Variants in MINDY4 observed in about 807,000 individuals in gnomAD.
The protein encoded by MINDY4 is MINDY lysine 48 deubiquitinase 4.
Under a neutral mutation model 87.0 loss-of-function variants are expected in MINDY4, and 68 were observed. The ratio of observed to expected loss-of-function variants is 0.78; its 90% CI spans 0.64 to 0.96. MINDY4 has a LOEUF of 0.96. Ranked by LOEUF, MINDY4 falls within the 40% of genes least tolerant of loss-of-function variation. The probability of loss-of-function intolerance (pLI) is 0.00; values close to 1 mark genes in which losing one functional copy is unlikely to be tolerated. For synonymous variants in MINDY4, 379 were observed against 363.2 expected, an observed-to-expected ratio of 1.04 and a Z score of -0.50; for missense variants, 919 against 928.2, an observed-to-expected ratio of 0.99 and a Z score of 0.13.
intron 13 of MINDY4, among the ~76,000 whole-genome samples, chr7:30,871,962 G>A (rs536430610): frequency 3.2e-4 from 48 of 152,176 alleles, no homozygotes; most frequent in Non-Finnish European, 6.2e-4. Flanking sequence ...TCACGCTTCA[G>A]TCGCTGTTCT....
In MINDY4 at chr7:30,791,316, T is replaced by C; in HGVS notation, c.815T>C (p.Leu272Pro). The C allele has an allele frequency of 1.2e-6, 2 of 1,614,144 alleles. No homozygotes were observed. Among genetic ancestry groups the C allele is most frequent in the Non-Finnish European group, 1.7e-6 (2 of 1,180,018 alleles). The stretch of plus-strand genomic sequence containing the variant: ...AACAGCTCCCCCTCCAGGACCTCCC[T>C]GGGTCAGCTTAGTGAACTGACCGTA... ...SSNSSPSRTS[L>P]GQLSELTVER... Residue 272 changes from leucine (L) to proline (P), a missense_variant, in exon 5 of 18, where the codon CTG becomes CCG. Leu to Pro is a moderately conservative substitution (Grantham distance 98). Transcript: ENST00000265299.
intron 6 of MINDY4, among the ~76,000 whole-genome samples, chr7:30,830,197 C>A (rs907679365): frequency 6.6e-6 from 1 of 152,154 alleles, no homozygotes; most frequent in African/African-American, 2.4e-5. Context: ...TCAGCAATTA[C>A]CTGCCAGCGC....
At chr7:30,785,239 C>G (rs1584234894) in intron 3 of MINDY4, among the ~76,000 whole-genome samples, 1 of 147,742 alleles carries the variant, frequency 6.8e-6, no homozygotes, top group African/African-American at 2.6e-5. Context: ...TTTGTTCTTT[C>G]TTGCTCTCTT....
At chr7:30,795,015 G>A (rs1787443231) in intron 5 of MINDY4, among the ~76,000 whole-genome samples, 1 of 152,140 alleles carries the variant, frequency 6.6e-6, no homozygotes, top group Non-Finnish European at 1.5e-5. Flanking sequence ...CCCAGGGCTA[G>A]GTCTTCCAAG....
intron 13 of MINDY4, among the ~76,000 whole-genome samples, chr7:30,871,618 C>T (rs78530280): frequency 0.022 from 3,310 of 152,310 alleles, 126 homozygotes; most frequent in African/African-American, 0.076. Flanking sequence ...TTTTGAAGGA[C>T]TCCATTCTGA....
intron 15 of MINDY4, among the ~76,000 whole-genome samples, chr7:30,876,776 AAG>A (rs1406114043): frequency 6.6e-6 from 1 of 152,164 alleles, no homozygotes; most frequent in African/African-American, 2.4e-5. Context: ...ACCCCCTGCA[AAG>A]ATTCTTGGAG....
rs970889062 is a variant in MINDY4 at position 30,882,947 on chromosome 7, A to C, written c.2179A>C (p.Thr727Pro). Residue 727 changes from threonine to proline, a missense_variant, in exon 17 of 18, where the codon ACA (threonine) becomes CCA (proline). Transcript: ENST00000265299. ...CACCACCCAAACCATCTCTGAGGAC[A>C]CAGACAACGACCTTGTCCCACCCCT... ...IDTTQTISED[T>P]DNDLVPPLEL... is the part of the protein sequence containing the mutation. 1 of 1,613,924 alleles carries C rather than the reference A, an allele frequency of 6.2e-7. No individual in the cohort carries two copies. The highest frequency in any genetic ancestry group is 1.3e-5 in the African/African-American group (1 of 74,908).
chr7:30,850,527 G>C lies in MINDY4; in HGVS notation c.1519G>C (p.Gly507Arg). Residue 507 changes from glycine (G) to arginine (R), a missense_variant, in exon 10 of 18, where the codon GGG (glycine) becomes CGG (arginine). By Grantham distance (125) the Gly-to-Arg change is moderately radical. Transcript: ENST00000265299. Reference sequence around the variant, plus strand: ...CCTCGCAGACATTGTGTGGCGGGCAGGGGGCCGAGAGAGAGCCGTTGTTGC... The same window carrying C: ...CCTCGCAGACATTGTGTGGCGGGCACGGGGCCGAGAGAGAGCCGTTGTTGC... ...LALADIVWRA[G>R]GRERAVVALA... 1.9e-6 allele frequency: 3 copies of C among 1,608,660 alleles called. No homozygotes were observed.
intron 17 of MINDY4, among the ~76,000 whole-genome samples, chr7:30,885,804 C>T (rs1790618376): frequency 6.6e-6 from 1 of 151,736 alleles, no homozygotes; most frequent in African/African-American, 2.4e-5. Context: ...AACCTTCTTC[C>T]TGGCTCCATT....
chr7:30,802,735 T>C (rs193010655), intron 5 of MINDY4, among the ~76,000 whole-genome samples: 1 of 152,346 alleles, frequency 6.6e-6, no homozygotes, highest in Admixed American at 6.5e-5. Context: ...GTAATTTTTT[T>C]GTTCATACAA....
chr7:30,817,210 AG>A (rs1405067544), intron 5 of MINDY4, among the ~76,000 whole-genome samples: 1 of 152,164 alleles, frequency 6.6e-6, no homozygotes, highest in Non-Finnish European at 1.5e-5. Context: ...AGGTCATGCC[AG>A]GTGACGTCTA....
At chr7:30,829,074 A>G (rs569506177) in intron 6 of MINDY4, among the ~76,000 whole-genome samples, 75 of 152,230 alleles carry the variant, frequency 4.9e-4, no homozygotes, top group Admixed American at 2.0e-3. Context: ...GTTCTCATTC[A>G]AAGTATCAGT....
intron 4 of MINDY4, among the ~76,000 whole-genome samples, chr7:30,788,170 C>T (rs555150595): frequency 5.1e-4 from 77 of 152,300 alleles, no homozygotes; most frequent in Middle Eastern, 6.8e-3. Flanking sequence ...TGAAGAAAAT[C>T]TAGCCTCACA....
chr7:30,783,528 T>C (rs1787066150), intron 3 of MINDY4, among the ~76,000 whole-genome samples: 1 of 152,204 alleles, frequency 6.6e-6, no homozygotes, highest in South Asian at 2.1e-4. Flanking sequence ...TCAAGGTCAT[T>C]GCCAAGGTCT....
At position 30,791,566 on chromosome 7, in the gene MINDY4, A is replaced by T; in HGVS notation, c.1065A>T (p.Ala355=). The T allele has an allele frequency of 6.2e-7, 1 of 1,610,428 alleles. No homozygotes were observed. Among genetic ancestry groups the T allele is most frequent in the East Asian group, 2.2e-5 (1 of 44,836 alleles). ...TCAAACGGCAGGGCAGCCAGCCCGC[A>T]CCTGTCAGGTGAGTGTGCTATGCAA... ...RAFKRQGSQP[A]PVRKNQLLPS... is the part of the protein sequence containing the mutation. Residue 355 remains alanine (A), a synonymous_variant, in exon 5 of 18, where the codon GCA becomes GCT. Transcript: ENST00000265299.
chr7:30,855,817 C>T (rs1789552210), intron 12 of MINDY4, among the ~76,000 whole-genome samples: 1 of 152,242 alleles, frequency 6.6e-6, no homozygotes, highest in Non-Finnish European at 1.5e-5. Context: ...GGCTTTGGTC[C>T]TTGGTACAGG....
At position 30,883,179 on chromosome 7, in the gene MINDY4, G is replaced by A. The variant is rs149479340; in HGVS notation, c.2225+186G>A. Among the ~76,000 whole-genome samples the A allele has an allele frequency of 7.9e-4, 120 of 152,314 alleles. 1 individual carries two copies. Among genetic ancestry groups the A allele is most frequent in the African/African-American group, 2.3e-3 (95 of 41,560 alleles). ...CACTGGGGCCCAGGTTCAGGAGTGT[G>A]TGGTCTGCAGTGGTGATGCGTCTTT... is the stretch of plus-strand genomic sequence containing the variant. On this transcript the variant is annotated intron_variant, in intron 17 of 17. Coordinates refer to ENST00000265299, the MANE Select transcript of MINDY4 (RefSeq NM_032222.3).
chr7:30,884,122 A>G (rs747765644), intron 17 of MINDY4, among the ~76,000 whole-genome samples: 7 of 152,016 alleles, frequency 4.6e-5, no homozygotes, highest in Non-Finnish European at 1.0e-4. Flanking sequence ...AGGCCCTGCA[A>G]TGCTTACTGC....
intron 15 of MINDY4, 92 bp from the exon 16 acceptor site, chr7:30,882,089 C>A (rs1297960828): frequency 5.5e-6 from 7 of 1,269,124 alleles, no homozygotes; most frequent in Non-Finnish European, 7.7e-6. Flanking sequence ...CAGGGCCTCT[C>A]TGAGGTCAGC....
Sources: allele counts gnomAD v4.1 joint callset (sites outside exome capture counted in the v4.1 genomes callset), GRCh38; gene constraint gnomAD v4.1.1; transcripts MANE v1.5; gene names NCBI Gene and HGNC (gene_info 2026-07-23, HGNC 2026-07-21).